The following ERC1 variants were observed in gnomAD, a reference collection of about 807,000 sequenced individuals.
ERC1 encodes ELKS/RAB6-interacting/CAST family member 1, also known as RAB6 interacting protein 2.
ERC1 carries 56 observed loss-of-function variants against 132.0 expected under a neutral mutation model. The ratio of observed to expected loss-of-function variants is 0.42; its 90% CI spans 0.34 to 0.53. The LOEUF is 0.53. Ranked by LOEUF, ERC1 falls within the 20% of genes least tolerant of loss-of-function variation. The pLI, the probability that ERC1 is intolerant of heterozygous loss-of-function variation, is 0.03. For missense variants in ERC1, 1,202 were observed against 1,349.9 expected, an observed-to-expected ratio of 0.89 and a Z score of 1.72; for synonymous variants, 478 against 476.1, an observed-to-expected ratio of 1.00 and a Z score of -0.05.
At chr12:1,296,257 G>C (rs1325541579) in intron 15 of ERC1, among the ~76,000 whole-genome samples, 1 of 152,050 alleles carries the variant, frequency 6.6e-6, no homozygotes, top group African/African-American at 2.4e-5. Context: ...GAGCCTGGGA[G>C]ATTGAGGCTG....
chr12:994,527 T>C (rs902471692), intron 1 of ERC1, among the ~76,000 whole-genome samples: 3 of 152,168 alleles, frequency 2.0e-5, no homozygotes, highest in Non-Finnish European at 4.4e-5. Context: ...ATCTGCAAAA[T>C]AGAAATAATA....
intron 14 of ERC1, among the ~76,000 whole-genome samples, chr12:1,276,121 T>G (rs999529483): frequency 4.6e-5 from 7 of 152,184 alleles, no homozygotes; most frequent in African/African-American, 1.7e-4. Context: ...TGAAGCAATC[T>G]CTTCAACCTT....
At chr12:1,251,742 C>A (rs2076480910) in intron 13 of ERC1, among the ~76,000 whole-genome samples, 1 of 152,248 alleles carries the variant, frequency 6.6e-6, no homozygotes, top group Admixed American at 6.5e-5. Flanking sequence ...ACTTTTCCCT[C>A]TGGCCACATG....
At chr12:1,158,420 G>GT (rs1035658340) in intron 8 of ERC1, among the ~76,000 whole-genome samples, 8 of 151,504 alleles carry the variant, frequency 5.3e-5, no homozygotes, top group African/African-American at 1.9e-4. Flanking sequence ...ACTGTTCCCA[G>GT]TTTTTTTGTT....
chr12:1,289,084 T>TACACACACACACAC (rs57334239), intron 14 of ERC1, among the ~76,000 whole-genome samples: 1 of 102,880 alleles, frequency 9.7e-6, no homozygotes, highest in African/African-American at 3.7e-5. Flanking sequence ...ATCTGGTATG[T>TACACACACACACAC]ACACACACAC....
intron 15 of ERC1, among the ~76,000 whole-genome samples, chr12:1,346,802 C>T (rs552928967): frequency 3.1e-4 from 45 of 145,794 alleles, no homozygotes; most frequent in South Asian, 4.4e-4. Context: ...ATTAGCCGGG[C>T]GCGGTGGCGG....
chr12:1,369,812 G>A (rs921770351), intron 15 of ERC1, among the ~76,000 whole-genome samples: 1 of 152,152 alleles, frequency 6.6e-6, no homozygotes, highest in Non-Finnish European at 1.5e-5. Flanking sequence ...AGTGCGATGA[G>A]AATCTTCTCT....
chr12:1,447,215 G>A (rs753148589), intron 18 of ERC1, among the ~76,000 whole-genome samples: 4 of 151,950 alleles, frequency 2.6e-5, no homozygotes, highest in Non-Finnish European at 5.9e-5. Context: ...GCAGAAAAAC[G>A]ATGCTTCTTA....
At chr12:1,138,567 G>A (rs887457170) in intron 7 of ERC1, among the ~76,000 whole-genome samples, 2 of 151,748 alleles carry the variant, frequency 1.3e-5, no homozygotes, top group Admixed American at 1.3e-4. Flanking sequence ...TAAAATGGTG[G>A]CATAGGAAAA....
intron 2 of ERC1, among the ~76,000 whole-genome samples, chr12:1,057,585 G>GTTTTTTT (rs59761885): frequency 4.2e-5 from 2 of 47,696 alleles, no homozygotes; most frequent in Admixed American, 3.3e-4. Flanking sequence ...GATGCGCATG[G>GTTTTTTT]TTTTTTTTTT....
At chr12:1,402,117 G>T (rs1330171408) in intron 16 of ERC1, among the ~76,000 whole-genome samples, 1 of 152,164 alleles carries the variant, frequency 6.6e-6, no homozygotes, top group African/African-American at 2.4e-5. Context: ...TGCAAATATT[G>T]TAAAAAAGAG....
intron 8 of ERC1, among the ~76,000 whole-genome samples, chr12:1,177,446 G>C (rs1278242164): frequency 6.6e-6 from 1 of 152,122 alleles, no homozygotes; most frequent in Non-Finnish European, 1.5e-5. Context: ...CCTTCTCCCT[G>C]ACTATTTAGA....
At chr12:1,289,130 C>CAT (rs1021295583) in intron 14 of ERC1, among the ~76,000 whole-genome samples, 1 of 131,028 alleles carries the variant, frequency 7.6e-6, no homozygotes, top group Admixed American at 7.8e-5. Flanking sequence ...CACACACACA[C>CAT]ATAACTATAT....
chr12:1,155,624 G>A (rs541365560), intron 8 of ERC1, among the ~76,000 whole-genome samples: 3 of 152,050 alleles, frequency 2.0e-5, no homozygotes, highest in South Asian at 4.2e-4. Context: ...CCACAGGCAC[G>A]TGCCACCACG....
chr12:1,300,148 C>A (rs1185774544), intron 15 of ERC1, among the ~76,000 whole-genome samples: 2 of 152,092 alleles, frequency 1.3e-5, no homozygotes, highest in African/African-American at 4.8e-5. Context: ...ATAGAGAACC[C>A]AGAAATAAGG....
At chr12:1,296,836 C>A (rs1478709752) in intron 15 of ERC1, among the ~76,000 whole-genome samples, 1 of 152,136 alleles carries the variant, frequency 6.6e-6, no homozygotes, top group Non-Finnish European at 1.5e-5. Flanking sequence ...GCCTCAGTGA[C>A]ATGTAGGACA....
intron 2 of ERC1, among the ~76,000 whole-genome samples, chr12:1,074,352 G>T (rs1331556360): frequency 6.6e-6 from 1 of 151,892 alleles, no homozygotes; most frequent in Non-Finnish European, 1.5e-5. Flanking sequence ...CTGTCACCCA[G>T]GCTGGAGTGC....
intron 8 of ERC1, among the ~76,000 whole-genome samples, chr12:1,149,512 C>T (rs924845158): frequency 3.3e-5 from 5 of 152,168 alleles, no homozygotes; most frequent in African/African-American, 1.2e-4. Flanking sequence ...AGTCCTCCTA[C>T]CTCACTTCTT....
At chr12:1,357,705 C>T (rs568309801) in intron 15 of ERC1, among the ~76,000 whole-genome samples, 32 of 152,000 alleles carry the variant, frequency 2.1e-4, no homozygotes, top group African/African-American at 6.0e-4. Context: ...AAACATGAAG[C>T]GTAAAGGACA....
Sources: allele counts gnomAD v4.1 joint callset (sites outside exome capture counted in the v4.1 genomes callset), GRCh38; gene constraint gnomAD v4.1.1; transcripts MANE v1.5; gene names NCBI Gene and HGNC (gene_info 2026-07-23, HGNC 2026-07-21).